COL11A1: variants seen among roughly 807,000 people sequenced by gnomAD.
The protein encoded by COL11A1 is collagen alpha-1(XI) chain.
COL11A1 carries 74 observed loss-of-function variants against 265.2 expected under a neutral mutation model. The observed-to-expected ratio is 0.28, with a 90% confidence interval of 0.23 to 0.34. The LOEUF is 0.34. COL11A1 is among the 10% of genes least tolerant of loss of function. The pLI, the probability that COL11A1 is intolerant of heterozygous loss-of-function variation, is 1.00. For missense variants in COL11A1, 2,165 were observed against 2,263.6 expected (o/e 0.96, Z 0.88); for synonymous variants, 816 against 727.6 (o/e 1.12, Z -1.96).
At chr1:102,894,201 T>A (rs961390670) in intron 57 of COL11A1, among the ~76,000 whole-genome samples, 1 of 152,198 alleles carries the variant, frequency 6.6e-6, no homozygotes, top group Admixed American at 6.5e-5. Context: ...TGACTTTGTA[T>A]CAGAGGGTAG....
intron 9 of COL11A1, among the ~76,000 whole-genome samples, chr1:103,021,017 G>GTT (rs1455784739): frequency 1.4e-3 from 204 of 143,672 alleles, no homozygotes; most frequent in African/African-American, 4.3e-3. Context: ...TTCTTTCTCT[G>GTT]TTTTTTTTTG....
intron 57 of COL11A1, among the ~76,000 whole-genome samples, chr1:102,895,680 C>T (rs1763346): frequency 0.088 from 13,295 of 151,778 alleles, 697 homozygotes; most frequent in Middle Eastern, 0.16. Flanking sequence ...CTCACAGCCA[C>T]TGTGTTATCC....
At chr1:103,029,965 C>A (rs999535866) in intron 5 of COL11A1, among the ~76,000 whole-genome samples, 1 of 151,936 alleles carries the variant, frequency 6.6e-6, no homozygotes, top group Non-Finnish European at 1.5e-5. Context: ...TATAAAGGAG[C>A]AAAACAGATC....
rs147993467 is a variant in COL11A1, at chr1:102,914,380, G to C, written c.3950C>G (p.Pro1317Arg). The C allele has an allele frequency of 3.1e-6, 5 of 1,608,700 alleles. No individual in the cohort carries two copies. Among genetic ancestry groups the C allele is most frequent in the Non-Finnish European group, 4.2e-6 (5 of 1,176,816 alleles). Residue 1317 changes from proline (P) to arginine (R), a missense_variant, in exon 52 of 67, where the codon CCT becomes CGT. Coordinates refer to ENST00000370096, the MANE Select transcript of COL11A1 (RefSeq NM_001854.4). Reference sequence around the variant, plus strand: ...AGGGCCAGGTTCCCCAGGAGGACCAGGATCTCCAGGAAAACCAACAGGACC... The same window carrying C: ...AGGGCCAGGTTCCCCAGGAGGACCACGATCTCCAGGAAAACCAACAGGACC... ...NPGPVGFPGD[P>R]GPPGEPGPAG...
intron 4 of COL11A1, among the ~76,000 whole-genome samples, chr1:103,050,080 G>T (rs1055015992): frequency 6.6e-6 from 1 of 152,018 alleles, no homozygotes; most frequent in Non-Finnish European, 1.5e-5. Flanking sequence ...TATGTTTCTT[G>T]GAGTTGCTCT....
intron 46 of COL11A1, among the ~76,000 whole-genome samples, chr1:102,931,872 T>C (rs1315564270): frequency 1.3e-5 from 2 of 151,346 alleles, no homozygotes; most frequent in Non-Finnish European, 2.9e-5. Context: ...CTTTTGATCT[T>C]TGTTGGTTTA....
chr1:103,081,413 T>C (rs557949772), intron 2 of COL11A1, among the ~76,000 whole-genome samples: 2 of 151,976 alleles, frequency 1.3e-5, no homozygotes, highest in South Asian at 4.1e-4. Flanking sequence ...GCAGCTTACC[T>C]TTTTACTTTT....
intron 24 of COL11A1, 57 bp downstream of exon 24, chr1:103,001,867 TA>T: frequency 1.3e-6 from 2 of 1,524,484 alleles, no homozygotes; most frequent in Non-Finnish European, 1.8e-6. Context: ...TATACCTGCC[TA>T]AGATTGCTAA....
chr1:102,891,090 T>C (rs1252238009), intron 57 of COL11A1, among the ~76,000 whole-genome samples: 1 of 152,098 alleles, frequency 6.6e-6, no homozygotes, highest in African/African-American at 2.4e-5. Context: ...CATGGAACTC[T>C]GTAATTCTTC....
intron 46 of COL11A1, among the ~76,000 whole-genome samples, chr1:102,923,709 G>T (rs1017121341): frequency 6.6e-6 from 1 of 151,960 alleles, no homozygotes; most frequent in Non-Finnish European, 1.5e-5. Context: ...ATAATATATA[G>T]AACTTCCCTG....
rs1029425217 is a variant in COL11A1 at position 103,082,702 on chromosome 1, A to T, written c.274+103T>A. ...ATAATTGCACATTATCTAACCTGAT[A>T]AAAATACTAATTAGTAAAGAAATAC... On this transcript the variant is annotated intron_variant, in intron 2 of 66. Coordinates refer to ENST00000370096, the MANE Select transcript of COL11A1 (RefSeq NM_001854.4). 5 of 1,038,104 alleles carry T rather than the reference A, an allele frequency of 4.8e-6. No homozygotes were observed. The Admixed American group carries it at 6.2e-5, about 13-fold the overall frequency. The allele number at this position is 1,038,104 out of a possible 1,614,324, so 64.3% of individuals were successfully genotyped here.
intron 45 of COL11A1, among the ~76,000 whole-genome samples, chr1:102,934,762 G>T (rs2101217437): frequency 6.6e-6 from 1 of 152,194 alleles, no homozygotes; most frequent in African/African-American, 2.4e-5. Flanking sequence ...AACTGATTTT[G>T]ATTTGATCCT....
chr1:103,012,459 C>A lies in COL11A1; in HGVS notation c.1583G>T (p.Arg528Ile), dbSNP rs1455455681. Residue 528 changes from arginine to isoleucine, a missense_variant, in exon 14 of 67, where the codon AGA (arginine) becomes ATA (isoleucine). By Grantham distance (97) the Arg-to-Ile change is moderately conservative. Transcript: ENST00000370096. ...TAGACCCATTGGGCCAGGTGGGCCTCTCAGAGCAATCTAGAAAACAAAATA... is the reference window on the plus strand; with the variant it reads ...TAGACCCATTGGGCCAGGTGGGCCTATCAGAGCAATCTAGAAAACAAAATA... ...AILQQARIAL[R>I]GPPGPMGLTG... The A allele has an allele frequency of 6.2e-7, 1 of 1,613,026 alleles. No individual in the cohort carries two copies. Among genetic ancestry groups the A allele is most frequent in the African/African-American group, 1.3e-5 (1 of 75,008 alleles).
intron 41 of COL11A1, among the ~76,000 whole-genome samples, chr1:102,951,831 A>G (rs1019573656): frequency 2.6e-5 from 4 of 152,106 alleles, no homozygotes; most frequent in African/African-American, 9.7e-5. Flanking sequence ...TTTGCAGGAA[A>G]ATTGCTATTG....
rs1666391883 is a variant in COL11A1, at chr1:103,014,452, C to CAT, written c.1572+57_1572+58dup. The CAT allele has an allele frequency of 8.3e-6, 11 of 1,329,740 alleles. No individual in the cohort carries two copies. The East Asian group carries it at 2.5e-4, about 31-fold the overall frequency. The allele number at this position is 1,329,740 out of a possible 1,614,324, so 82.4% of individuals were successfully genotyped here. ...TGGTAGCATCTTCCGTATGTACACA[C>CAT]ATATATACTTGATACAGAGTCAGTC... On this transcript the variant is annotated intron_variant, in intron 13 of 66. Transcript: ENST00000370096.
intron 57 of COL11A1, 77 bp downstream of exon 57, chr1:102,898,048 T>G: frequency 1.1e-6 from 1 of 883,180 alleles, no homozygotes; most frequent in Non-Finnish European, 1.8e-6. Context: ...TAAACTAAAA[T>G]GTCAAAAATT....
At chr1:103,096,654 C>T (rs1673791417) in intron 1 of COL11A1, among the ~76,000 whole-genome samples, 3 of 151,876 alleles carry the variant, frequency 2.0e-5, no homozygotes, top group Admixed American at 6.6e-5. Context: ...ATTAATCAAT[C>T]AATGACATGA....
chr1:103,088,197 C>T (rs982831284), intron 1 of COL11A1, among the ~76,000 whole-genome samples: 8 of 152,122 alleles, frequency 5.3e-5, no homozygotes, highest in Non-Finnish European at 7.4e-5. Flanking sequence ...AGTAGTGAAC[C>T]GCATCATTAC....
intron 3 of COL11A1, among the ~76,000 whole-genome samples, chr1:103,076,248 T>C (rs1671964173): frequency 6.6e-6 from 1 of 152,058 alleles, no homozygotes. Context: ...GTTCATATAT[T>C]CAAAAGTATA....
Sources: allele counts gnomAD v4.1 joint callset (sites outside exome capture counted in the v4.1 genomes callset), GRCh38; gene constraint gnomAD v4.1.1; transcripts MANE v1.5; gene names NCBI Gene and HGNC (gene_info 2026-07-23, HGNC 2026-07-21).